The following FSTL1 variants were observed in gnomAD, a reference collection of about 807,000 sequenced individuals.
The protein encoded by FSTL1 is follistatin like 1.
A neutral mutation model predicts 45.9 loss-of-function variants in FSTL1; 24 were observed. That is an observed-to-expected ratio of 0.52 (90% CI 0.38 to 0.74). The LOEUF (loss-of-function observed/expected upper bound fraction) is 0.74. Among genes scored for constraint, FSTL1 ranks in the 30% least tolerant of loss-of-function variants. The pLI is 0.00. For missense variants in FSTL1, 340 were observed against 381.8 expected, an observed-to-expected ratio of 0.89 and a Z score of 0.91; for synonymous variants, 120 against 137.6, an observed-to-expected ratio of 0.87 and a Z score of 0.89.
intron 3 of FSTL1, among the ~76,000 whole-genome samples, chr3:120,413,560 C>G (rs1372219700): frequency 6.6e-6 from 1 of 152,074 alleles, no homozygotes; most frequent in African/African-American, 2.4e-5. Flanking sequence ...AGAAAACTTC[C>G]TTTCTGGGGC....
chr3:120,426,686 G>A (rs1474553164), intron 2 of FSTL1, among the ~76,000 whole-genome samples: 7 of 152,154 alleles, frequency 4.6e-5, no homozygotes, highest in Admixed American at 3.3e-4. Context: ...TGCAAGCCAA[G>A]CCACTATTCT....
At chr3:120,446,668 G>T (rs891590721) in intron 2 of FSTL1, among the ~76,000 whole-genome samples, 55 of 152,242 alleles carry the variant, frequency 3.6e-4, no homozygotes, top group African/African-American at 1.3e-3. Flanking sequence ...ATATGGGTTA[G>T]ATGCAAGGCT....
At chr3:120,408,015 A>T (rs1326999899) in intron 6 of FSTL1, among the ~76,000 whole-genome samples, 1 of 152,246 alleles carries the variant, frequency 6.6e-6, no homozygotes, top group Admixed American at 6.5e-5. Context: ...TCAAAGGGCC[A>T]CTAAAAAATG....
intron 2 of FSTL1, among the ~76,000 whole-genome samples, chr3:120,428,413 G>A (rs544385861): frequency 6.6e-6 from 1 of 152,152 alleles, no homozygotes; most frequent in African/African-American, 2.4e-5. Context: ...ACCCAGCATA[G>A]CAAAGTAGCA....
intron 2 of FSTL1, among the ~76,000 whole-genome samples, chr3:120,449,501 A>G (rs1033545232): frequency 2.0e-5 from 3 of 152,242 alleles, no homozygotes; most frequent in East Asian, 1.9e-4. Context: ...TTTATCTGTC[A>G]TTAAAATGGA....
rs1194997639 is a variant in FSTL1, at chr3:120,395,394, A to G, written c.*1558T>C. On this transcript the variant is annotated 3_prime_UTR_variant, in exon 11 of 11. Coordinates refer to ENST00000295633, the MANE Select transcript of FSTL1 (RefSeq NM_007085.5). ...TAAATGACTGACCTCCCCAAGTCACAGTTTTAGGATTAAATCTCCATTTTC... is the reference window on the plus strand; with the variant it reads ...TAAATGACTGACCTCCCCAAGTCACGGTTTTAGGATTAAATCTCCATTTTC... 3 of 327,722 alleles carry G rather than the reference A, an allele frequency of 9.2e-6. No individual in the cohort carries two copies. The highest frequency in any genetic ancestry group is 1.8e-5 in the Non-Finnish European group (3 of 171,226). 20.3% of individuals were successfully genotyped at this position (327,722 alleles called of 1,614,324 possible).
chr3:120,435,677 G>T (rs75326300), intron 2 of FSTL1, among the ~76,000 whole-genome samples: 2,067 of 152,262 alleles, frequency 0.014, 33 homozygotes, highest in South Asian at 0.066. Flanking sequence ...CTTTTTCCTG[G>T]AGTCAGAGTC....
chr3:120,445,002 G>T (rs1194205158), intron 2 of FSTL1, among the ~76,000 whole-genome samples: 2 of 149,710 alleles, frequency 1.3e-5, no homozygotes, highest in Admixed American at 1.3e-4. Context: ...TAAATAACAT[G>T]ACTGACATCT....
intron 2 of FSTL1, among the ~76,000 whole-genome samples, chr3:120,438,949 C>A (rs112453872): frequency 1.3e-5 from 2 of 152,168 alleles, no homozygotes; most frequent in African/African-American, 4.8e-5. Flanking sequence ...CCTATGTGTG[C>A]GACTCGTTGC....
intron 2 of FSTL1, among the ~76,000 whole-genome samples, chr3:120,428,520 G>A (rs1296994835): frequency 6.6e-6 from 1 of 152,202 alleles, no homozygotes; most frequent in East Asian, 1.9e-4. Flanking sequence ...ATCACTTGAG[G>A]ACAGAAGTTT....
intron 2 of FSTL1, among the ~76,000 whole-genome samples, chr3:120,444,841 G>T (rs1483727692): frequency 6.7e-6 from 1 of 149,750 alleles, no homozygotes. Flanking sequence ...AAGCTGGGGG[G>T]TGTGTGCTTT....
chr3:120,445,098 A>G (rs1321976142), intron 2 of FSTL1, among the ~76,000 whole-genome samples: 1 of 149,696 alleles, frequency 6.7e-6, no homozygotes, highest in Non-Finnish European at 1.5e-5. Context: ...TTCAATATAG[A>G]TTACAGTGAG....
rs1937884975 is a variant in FSTL1, at chr3:120,450,897, C to A, written c.-1G>T. On this transcript the variant is annotated splice_region_variant and 5_prime_UTR_variant, in exon 1 of 11. Transcript: ENST00000295633. ...TCCGCGCCGTGCGCCCTGCGCTCAC[C>A]GTGGTCTGGTCCAGGTCTCCTGGGG... 1.8e-6 allele frequency: 1 copy of A among 543,810 alleles called. No homozygotes were observed. The highest frequency in any genetic ancestry group is 2.0e-5 in the African/African-American group (1 of 49,678). 33.7% of individuals were successfully genotyped at this position (543,810 alleles called of 1,614,324 possible). A position where few individuals can be genotyped will look rare whatever the true frequency, so the allele number is the denominator to read the frequency against.
intron 2 of FSTL1, among the ~76,000 whole-genome samples, chr3:120,447,068 C>T (rs1312373550): frequency 1.3e-5 from 2 of 152,136 alleles, no homozygotes; most frequent in Non-Finnish European, 2.9e-5. Flanking sequence ...CTTGCCAGGG[C>T]TGTCTTCCTA....
intron 2 of FSTL1, among the ~76,000 whole-genome samples, chr3:120,436,525 C>T (rs1937563064): frequency 6.6e-6 from 1 of 152,218 alleles, no homozygotes; most frequent in African/African-American, 2.4e-5. Flanking sequence ...AGGAGGCAGA[C>T]ACCAATTAAT....
intron 6 of FSTL1, among the ~76,000 whole-genome samples, chr3:120,408,531 A>G (rs1936990291): frequency 6.6e-6 from 1 of 152,244 alleles, no homozygotes; most frequent in Non-Finnish European, 1.5e-5. Flanking sequence ...GTGGCCTCAG[A>G]GCTGCCAAGA....
At chr3:120,438,096 G>A (rs150987854) in intron 2 of FSTL1, among the ~76,000 whole-genome samples, 11 of 152,232 alleles carry the variant, frequency 7.2e-5, no homozygotes, top group Non-Finnish European at 1.6e-4. Context: ...TAGGGTCCAC[G>A]CAATAGTTTC....
Position 120,395,856 on chromosome 3 carries a change from A to G in FSTL1, c.*1096T>C. ...ACTCACCCTCCTAGTTAGTCGAATG[A>G]GCATATTGGTAGGCTGGGATATCCT... On this transcript the variant is annotated 3_prime_UTR_variant, in exon 11 of 11. Coordinates refer to ENST00000295633, the MANE Select transcript of FSTL1 (RefSeq NM_007085.5). 1 of 394,948 alleles carries G rather than the reference A, an allele frequency of 2.5e-6. No individual in the cohort carries two copies. Among genetic ancestry groups the G allele is most frequent in the Non-Finnish European group, 5.0e-6 (1 of 201,430 alleles). 24.5% of individuals were successfully genotyped at this position (394,948 alleles called of 1,614,324 possible).
intron 2 of FSTL1, among the ~76,000 whole-genome samples, chr3:120,424,643 C>T (rs61140037): frequency 0.078 from 11,854 of 152,120 alleles, 777 homozygotes; most frequent in Admixed American, 0.19. Flanking sequence ...GTTGCATCTA[C>T]ACTAGTGGTG....
Sources: allele counts gnomAD v4.1 joint callset (sites outside exome capture counted in the v4.1 genomes callset), GRCh38; gene constraint gnomAD v4.1.1; transcripts MANE v1.5; gene names NCBI Gene and HGNC (gene_info 2026-07-23, HGNC 2026-07-21).